TRIM58: variants seen among roughly 807,000 people sequenced by gnomAD.
The protein encoded by TRIM58 is E3 ubiquitin-protein ligase TRIM58.
TRIM58 carries 38 observed loss-of-function variants against 34.1 expected under a neutral mutation model. The ratio of observed to expected loss-of-function variants is 1.12; its 90% CI spans 0.86 to 1.46. The LOEUF is 1.46. TRIM58 is among the 40% of genes most tolerant of loss of function. TRIM58 has a pLI of 0.00. For synonymous variants in TRIM58, 273 were observed against 275.7 expected, an observed-to-expected ratio of 0.99 and a Z score of 0.10; for missense variants, 677 against 642.0, an observed-to-expected ratio of 1.05 and a Z score of -0.59.
chr1:247,864,554 ACTCCAGTCT>A, intron 2 of TRIM58, 142 bp from the exon 3 acceptor site: 1 of 716,442 alleles, frequency 1.4e-6, no homozygotes, highest in Non-Finnish European at 2.3e-6. Flanking sequence ...ATATGAATGG[ACTCCAGTCT>A]GTGCATGTTG....
rs971143484 is a variant in TRIM58, at chr1:247,877,046, G to A, written c.*557G>A. The stretch of plus-strand genomic sequence containing the variant: ...CTGTTTAACCTGTTGCTTCCTTCTG[G>A]ATTAATACATTTAGAGCCATTCCTT... On this transcript the variant is annotated 3_prime_UTR_variant, in exon 6 of 6. Transcript: ENST00000366481. The A allele has an allele frequency of 9.8e-5, 15 of 153,276 alleles. No individual in the cohort carries two copies. Among genetic ancestry groups the A allele is most frequent in the Admixed American group, 9.0e-4 (14 of 15,520 alleles). The allele number at this position is 153,276 out of a possible 1,614,324, so 9.5% of individuals were successfully genotyped here.
intron 1 of TRIM58, among the ~76,000 whole-genome samples, chr1:247,857,926 C>G (rs902665754): frequency 1.3e-5 from 2 of 152,226 alleles, no homozygotes. Context: ...GTCGAACTCG[C>G]GCTGGGCTGG....
At position 247,876,224 on chromosome 1, in the gene TRIM58, C is replaced by T. The variant is rs761929755; in HGVS notation, c.1196C>T (p.Ser399Leu). Residue 399 changes from serine (S) to leucine (L), a missense_variant, in exon 6 of 6, where the codon TCA becomes TTA. By Grantham distance (145) the Ser-to-Leu change is moderately radical (BLOSUM62 -2). Transcript: ENST00000366481. Reference sequence around the variant, plus strand: ...GAGTACATGGTCCTTGCCTCCCCATCAGTGCCTCTTCTCCAACTGGAAAGT... The same window carrying T: ...GAGTACATGGTCCTTGCCTCCCCATTAGTGCCTCTTCTCCAACTGGAAAGT... ...GNEYMVLASP[S>L]VPLLQLESPR... is the part of the protein sequence containing the mutation. 3.1e-6 allele frequency: 5 copies of T among 1,614,142 alleles called. No individual in the cohort carries two copies. The highest frequency in any genetic ancestry group is 1.3e-5 in the African/African-American group (1 of 74,944).
At chr1:247,863,702 A>G (rs1353956287) in intron 2 of TRIM58, among the ~76,000 whole-genome samples, 2 of 152,220 alleles carry the variant, frequency 1.3e-5, no homozygotes, top group African/African-American at 4.8e-5. Flanking sequence ...GGAATAATTT[A>G]CCTCTCGTAC....
intron 5 of TRIM58, among the ~76,000 whole-genome samples, chr1:247,872,554 G>A (rs1026806769): frequency 6.6e-6 from 1 of 152,220 alleles, no homozygotes; most frequent in African/African-American, 2.4e-5. Context: ...TTTTGGATAT[G>A]TGGATGTTGC....
intron 5 of TRIM58, among the ~76,000 whole-genome samples, chr1:247,869,320 G>GC (rs1178468332): frequency 6.6e-6 from 1 of 152,144 alleles, no homozygotes; most frequent in East Asian, 1.9e-4. Flanking sequence ...GGTGGGGGGG[G>GC]GTGAGGCGTG....
intron 2 of TRIM58, among the ~76,000 whole-genome samples, chr1:247,863,448 G>A (rs1663846841): frequency 2.6e-5 from 4 of 151,956 alleles, no homozygotes; most frequent in Non-Finnish European, 4.4e-5. Context: ...TGAGACAGGA[G>A]AATCACTTGA....
rs1663671524 is a variant in TRIM58, at chr1:247,857,727, C to T, written c.420+61C>T. On this transcript the variant is annotated intron_variant, in intron 1 of 5. Transcript: ENST00000366481. ...GGTGACCGGGAAGCGGGCGACAGTC[C>T]GGAGCGGAGCCGCCGAGGCCACCCG... 4.2e-6 allele frequency: 5 copies of T among 1,203,554 alleles called. No individual in the cohort carries two copies. The East Asian group carries it at 1.0e-4, about 25-fold the overall frequency. The allele number at this position is 1,203,554 out of a possible 1,614,324, so 74.6% of individuals were successfully genotyped here.
intron 5 of TRIM58, among the ~76,000 whole-genome samples, chr1:247,872,631 G>C (rs1659166794): frequency 6.6e-6 from 1 of 152,134 alleles, no homozygotes; most frequent in Admixed American, 6.5e-5. Flanking sequence ...GGAGTTTCAG[G>C]GTAAAGTTCA....
At chr1:247,860,824 A>G (rs371279443) in intron 2 of TRIM58, 112 bp downstream of exon 2, 1 of 797,130 alleles carries the variant, frequency 1.3e-6, no homozygotes. Flanking sequence ...ATCTCCATAT[A>G]TGCCCAAGAG....
intron 5 of TRIM58, among the ~76,000 whole-genome samples, chr1:247,873,766 G>A (rs1302429193): frequency 1.3e-5 from 2 of 152,010 alleles, no homozygotes; most frequent in African/African-American, 2.4e-5. Flanking sequence ...CCAGGAGTTC[G>A]AGACCAGCCT....
chr1:247,858,752 C>CT (rs386370399), intron 1 of TRIM58, among the ~76,000 whole-genome samples: 1,748 of 87,868 alleles, frequency 0.02, 286 homozygotes, highest in African/African-American at 0.069. Context: ...TTGGTAGTAA[C>CT]TTTTTTTTTT....
At chr1:247,868,495 A>T (rs1042807596) in intron 5 of TRIM58, among the ~76,000 whole-genome samples, 1 of 152,142 alleles carries the variant, frequency 6.6e-6, no homozygotes, top group African/African-American at 2.4e-5. Context: ...TCTCCAGCAG[A>T]TACTCCAGCC....
In TRIM58 at chr1:247,879,928, C is replaced by T. The variant is rs551025181; in HGVS notation, c.*3439C>T. Among the ~76,000 whole-genome samples, 16 of 151,960 alleles carry T rather than the reference C, an allele frequency of 1.1e-4. No homozygotes were observed. Among genetic ancestry groups the T allele is most frequent in the African/African-American group, 3.6e-4 (15 of 41,446 alleles). ...GAGGCTCTTTGTTCCCCATACAGTACGTGTCGTCGTACTATATTGTTAGGC... is the reference window on the plus strand; with the variant it reads ...GAGGCTCTTTGTTCCCCATACAGTATGTGTCGTCGTACTATATTGTTAGGC... On this transcript the variant is annotated 3_prime_UTR_variant, in exon 6 of 6. Transcript: ENST00000366481.
chr1:247,858,752 C>CTTTTTTTTTTTT (rs386370399), intron 1 of TRIM58, among the ~76,000 whole-genome samples: 1 of 87,856 alleles, frequency 1.1e-5, no homozygotes, highest in Non-Finnish European at 2.0e-5. Context: ...TTGGTAGTAA[C>CTTTTTTTTTTTT]TTTTTTTTTT....
intron 5 of TRIM58, among the ~76,000 whole-genome samples, chr1:247,869,159 T>C (rs1208265147): frequency 6.6e-6 from 1 of 152,176 alleles, no homozygotes; most frequent in Non-Finnish European, 1.5e-5. Context: ...CTCGGCCTCC[T>C]AAAGTGCTGA....
At chr1:247,857,782 C>T in intron 1 of TRIM58, 116 bp downstream of exon 1, 1 of 1,181,450 alleles carries the variant, frequency 8.5e-7, no homozygotes, top group Non-Finnish European at 1.0e-6. Flanking sequence ...GGCCGCTCCC[C>T]CCACCGCGCG....
At chr1:247,869,107 C>T (rs1664000307) in intron 5 of TRIM58, among the ~76,000 whole-genome samples, 1 of 152,174 alleles carries the variant, frequency 6.6e-6, no homozygotes. Flanking sequence ...ACCATGTTAG[C>T]CAGGCTGGTC....
At chr1:247,875,330 T>C (rs1420228166) in intron 5 of TRIM58, among the ~76,000 whole-genome samples, 1 of 152,188 alleles carries the variant, frequency 6.6e-6, no homozygotes, top group Non-Finnish European at 1.5e-5. Context: ...TTATAAATTT[T>C]ATGTTAAATG....
Sources: allele counts gnomAD v4.1 joint callset (sites outside exome capture counted in the v4.1 genomes callset), GRCh38; gene constraint gnomAD v4.1.1; transcripts MANE v1.5; gene names NCBI Gene and HGNC (gene_info 2026-07-23, HGNC 2026-07-21).